The following PEAK1 variants were observed in gnomAD, a reference collection of about 807,000 sequenced individuals.
PEAK1 encodes pseudopodium enriched atypical kinase 1, also known as inactive tyrosine-protein kinase PEAK1.
A neutral mutation model predicts 124.7 loss-of-function variants in PEAK1; 54 were observed. That is an observed-to-expected ratio of 0.43 (90% CI 0.35 to 0.54). The LOEUF (loss-of-function observed/expected upper bound fraction) is 0.54, where lower values mean the gene tolerates loss of function less well. Among genes scored for constraint, PEAK1 ranks in the 20% least tolerant of loss-of-function variants. The pLI is 0.01. For synonymous variants in PEAK1, 719 were observed against 760.0 expected (o/e 0.95, Z 0.89); for missense variants, 2,046 against 2,134.5 (o/e 0.96, Z 0.82).
intron 8 of PEAK1, among the ~76,000 whole-genome samples, chr15:77,147,431 T>C (rs996239962): frequency 6.6e-6 from 1 of 152,202 alleles, no homozygotes; most frequent in Non-Finnish European, 1.5e-5. Flanking sequence ...GTAGAAGATA[T>C]GAGTACTTGA....
chr15:77,350,379 T>G, intron 2 of PEAK1: 1 of 985,366 alleles, frequency 1.0e-6, no homozygotes, highest in Non-Finnish European at 1.2e-6. Flanking sequence ...TTCACAAGAC[T>G]TCATTTGTGC....
intron 7 of PEAK1, among the ~76,000 whole-genome samples, chr15:77,165,974 A>C (rs973770583): frequency 6.6e-6 from 1 of 152,234 alleles, no homozygotes; most frequent in Non-Finnish European, 1.5e-5. Context: ...GGCATACTGC[A>C]GAAACCCAGC....
chr15:77,363,994 G>A (rs1435538088), intron 2 of PEAK1, among the ~76,000 whole-genome samples: 3 of 151,860 alleles, frequency 2.0e-5, no homozygotes, highest in Admixed American at 6.6e-5. Flanking sequence ...AGGTTAGGAG[G>A]TCAAGACCAG....
Position 77,314,472 on chromosome 15 carries a change from C to T in PEAK1, c.-602-27968G>A, listed in dbSNP as rs575916216. Among the ~76,000 whole-genome samples the T allele has an allele frequency of 3.7e-4, 56 of 152,080 alleles. 2 individuals carry two copies. The South Asian group carries it at 0.011, about 31-fold the overall frequency. On this transcript the variant is annotated intron_variant, in intron 2 of 9. Coordinates refer to ENST00000682557, the MANE Select transcript of PEAK1 (RefSeq NM_001385026.1). ...CAACCTCTGCCTCCCCGGGTTCAAGCGATTCTCCTGCCTCAGCCTCCTGAG... is the reference window on the plus strand; with the variant it reads ...CAACCTCTGCCTCCCCGGGTTCAAGTGATTCTCCTGCCTCAGCCTCCTGAG...
At chr15:77,217,631 A>G (rs1413188439) in intron 6 of PEAK1, among the ~76,000 whole-genome samples, 4 of 152,164 alleles carry the variant, frequency 2.6e-5, no homozygotes, top group African/African-American at 7.2e-5. Flanking sequence ...CTAATCTTAA[A>G]AAAATTGGGC....
rs1171839953 is a variant in PEAK1, at chr15:77,108,886, G to C, written c.*5270C>G. Reference sequence around the variant, plus strand: ...TAAACCCAGAGACTTTCTGGAGTGGGAAACATGTAATGGGATGTTGGGAAT... The same window carrying C: ...TAAACCCAGAGACTTTCTGGAGTGGCAAACATGTAATGGGATGTTGGGAAT... On this transcript the variant is annotated 3_prime_UTR_variant, in exon 10 of 10. Transcript: ENST00000682557. The C allele has an allele frequency of 1.3e-5, 2 of 152,214 alleles. No homozygotes were observed. The highest frequency in any genetic ancestry group is 2.9e-5 in the Non-Finnish European group (2 of 68,040). The allele number at this position is 152,214 out of a possible 1,614,324, so 9.4% of individuals were successfully genotyped here. A position where few individuals can be genotyped will look rare whatever the true frequency, so the allele number is the denominator to read the frequency against.
chr15:77,403,795 T>TA (rs890800792), intron 1 of PEAK1: 23 of 978,800 alleles, frequency 2.3e-5, no homozygotes, highest in Non-Finnish European at 2.7e-5. Flanking sequence ...AAACTCAATT[T>TA]AAAAAAAAGC....
intron 1 of PEAK1, among the ~76,000 whole-genome samples, chr15:77,394,962 C>A (rs1194360512): frequency 1.3e-5 from 2 of 152,090 alleles, no homozygotes; most frequent in Non-Finnish European, 2.9e-5. Flanking sequence ...ATTTACTGTA[C>A]CCCATTAATG....
chr15:77,303,231 G>T (rs2063884642), intron 2 of PEAK1, among the ~76,000 whole-genome samples: 1 of 152,090 alleles, frequency 6.6e-6, no homozygotes, highest in South Asian at 2.1e-4. Context: ...TTGTGTACAG[G>T]TCTTGTGTGA....
chr15:77,352,273 T>C (rs1470970095), intron 2 of PEAK1: 3 of 985,246 alleles, frequency 3.0e-6, no homozygotes, highest in East Asian at 1.1e-4. Context: ...CTCCTAGCCA[T>C]ACCTCTCCCC....
At chr15:77,357,516 T>C (rs986856977) in intron 2 of PEAK1, among the ~76,000 whole-genome samples, 3 of 152,112 alleles carry the variant, frequency 2.0e-5, no homozygotes, top group Admixed American at 6.5e-5. Context: ...TCAAGTGATC[T>C]GCCCACCTCA....
In PEAK1 at chr15:77,111,339, T is replaced by C. The variant is rs2050962953; in HGVS notation, c.*2817A>G. 6.6e-6 allele frequency: 1 copy of C among 152,250 alleles called. No individual in the cohort carries two copies. The highest frequency in any genetic ancestry group is 1.5e-5 in the Non-Finnish European group (1 of 68,038). 9.4% of individuals were successfully genotyped at this position (152,250 alleles called of 1,614,324 possible). A position where few individuals can be genotyped will look rare whatever the true frequency, so the allele number is the denominator to read the frequency against. On this transcript the variant is annotated 3_prime_UTR_variant, in exon 10 of 10. Coordinates refer to ENST00000682557, the MANE Select transcript of PEAK1 (RefSeq NM_001385026.1). ...TTAAAATGAAAAATATTTGTGATAA[T>C]GTTAAACTGACTGAATTTCATTTTT...
chr15:77,217,222 C>CAAA (rs34034344), intron 6 of PEAK1, among the ~76,000 whole-genome samples: 9 of 68,342 alleles, frequency 1.3e-4, no homozygotes, highest in Admixed American at 1.9e-4. Flanking sequence ...GACTCTGTCT[C>CAAA]AAAAAAAAAA....
chr15:77,304,262 A>G (rs2063947486), intron 2 of PEAK1, among the ~76,000 whole-genome samples: 1 of 152,210 alleles, frequency 6.6e-6, no homozygotes, highest in Non-Finnish European at 1.5e-5. Context: ...TCTATAGATC[A>G]AATTGGAAAG....
rs1438117602 is a variant in PEAK1 at position 77,181,546 on chromosome 15, G to A, written c.381C>T (p.Ser127=). The stretch of plus-strand genomic sequence containing the variant: ...TATTGCCATAAGGCTTAGGAACATG[G>A]CTAATTCCTTCATCATCTTCATTAT... The part of the protein sequence containing the change: ...NNNNEDDEGI[S]HVPKPYGNND... The change falls in exon 7 of 10, where the codon AGC becomes AGT. Residue 127 remains serine (S), a synonymous_variant. Coordinates refer to ENST00000682557, the MANE Select transcript of PEAK1 (RefSeq NM_001385026.1). The A allele has an allele frequency of 1.6e-5, 26 of 1,613,922 alleles. No individual in the cohort carries two copies. The highest frequency in any genetic ancestry group is 2.2e-5 in the Non-Finnish European group (26 of 1,180,028).
In PEAK1 at chr15:77,133,835, G is replaced by A; in HGVS notation, c.3332-85C>T. 1.4e-6 allele frequency: 2 copies of A among 1,389,182 alleles called. No individual in the cohort carries two copies. Among genetic ancestry groups the A allele is most frequent in the Admixed American group, 2.8e-5 (1 of 36,224 alleles). The allele number at this position is 1,389,182 out of a possible 1,614,324, so 86.1% of individuals were successfully genotyped here. ...ATAACTGAAACTTGAGCAGAAATGA[G>A]TGAGGTAGCCATGGGAATGTAAGAA... On this transcript the variant is annotated intron_variant, in intron 8 of 9. Coordinates refer to ENST00000682557, the MANE Select transcript of PEAK1 (RefSeq NM_001385026.1). The surrounding 1 kb of genome is among the most constrained non-coding windows in gnomAD (Gnocchi z 4.2).
At chr15:77,208,995 C>A (rs539537851) in intron 6 of PEAK1, among the ~76,000 whole-genome samples, 1 of 152,200 alleles carries the variant, frequency 6.6e-6, no homozygotes, top group African/African-American at 2.4e-5. Context: ...CCAGTCTGTT[C>A]TTAACTATTT....
chr15:77,232,190 A>G (rs1413367365), intron 6 of PEAK1, among the ~76,000 whole-genome samples: 2 of 152,042 alleles, frequency 1.3e-5, no homozygotes, highest in African/African-American at 4.8e-5. Flanking sequence ...TCCATGAACA[A>G]TCATCATGTT....
intron 5 of PEAK1, among the ~76,000 whole-genome samples, chr15:77,264,512 A>G (rs1169235347): frequency 2.0e-5 from 3 of 152,214 alleles, no homozygotes; most frequent in Non-Finnish European, 4.4e-5. Context: ...CAATTGCTTC[A>G]AAGAGAATAC....
Sources: allele counts gnomAD v4.1 joint callset (sites outside exome capture counted in the v4.1 genomes callset), GRCh38; gene constraint gnomAD v4.1.1; non-coding constraint Gnocchi (gnomAD v3.1); transcripts MANE v1.5; gene names NCBI Gene and HGNC (gene_info 2026-07-23, HGNC 2026-07-21).